Variants in CDH23 observed in about 807,000 individuals in gnomAD.
CDH23 encodes cadherin related 23, also known as cadherin-23.
In CDH23, 189 loss-of-function variants were observed where a neutral mutation model predicts 317.1. The ratio of observed to expected loss-of-function variants is 0.60; its 90% confidence interval spans 0.53 to 0.67. CDH23 has a LOEUF of 0.67. CDH23 is among the 30% of genes least tolerant of loss of function. The pLI is 0.00. For missense variants in CDH23, 4,401 were observed against 4,592.4 expected (o/e 0.96, Z 1.20); for synonymous variants, 1,839 against 1,876.8 (o/e 0.98, Z 0.52).
In CDH23 at chr10:71,705,040, C is replaced by T. The variant is rs765094120; in HGVS notation, c.2863C>T (p.Arg955Cys). ...GGTGGTCACCACCACCGAGCTGGAC[C>T]GCGAGCGCATCGCGGAGTACCAGCT... ...GVVVTTTELD[R>C]ERIAEYQLRV... Residue 955 changes from arginine (R) to cysteine (C), a missense_variant, in exon 25 of 70, where the codon CGC becomes TGC. Arg to Cys is a radical substitution (Grantham distance 180). Transcript: ENST00000224721. 1.1e-5 allele frequency: 18 copies of T among 1,612,556 alleles called. No homozygotes were observed. Among genetic ancestry groups the T allele is most frequent in the Middle Eastern group, 1.6e-4 (1 of 6,084 alleles).
In CDH23 at chr10:71,799,201, G is replaced by C. The variant is rs759439688; in HGVS notation, c.7145G>C (p.Arg2382Pro). ...VRASDNGSPP[R>P]AAEIPVYLEI... ...GCCTCAGACAACGGGTCCCCGCCCC[G>C]GGCAGCTGAGATCCCTGTCTACCTG... The change falls in exon 51 of 70, where the codon CGG becomes CCG. Residue 2382 changes from arginine (R) to proline (P), a missense_variant. Around this residue, in one of 3 missense-constraint regions of CDH23, gnomAD observed 189 missense variants for 250.9 expected, o/e 0.75. Coordinates refer to ENST00000224721, the MANE Select transcript of CDH23 (RefSeq NM_022124.6). 2 of 1,614,000 alleles carry C rather than the reference G, an allele frequency of 1.2e-6. No homozygotes were observed. The highest frequency in any genetic ancestry group is 1.7e-6 in the Non-Finnish European group (2 of 1,179,882).
chr10:71,730,960 T>G (rs1019821902), intron 31 of CDH23, among the ~76,000 whole-genome samples: 14 of 152,362 alleles, frequency 9.2e-5, no homozygotes, highest in Admixed American at 5.2e-4. Flanking sequence ...GGCTGCGGCC[T>G]GGCCTGCTCC....
intron 1 of CDH23, among the ~76,000 whole-genome samples, chr10:71,430,477 G>A (rs915300164): frequency 1.3e-5 from 2 of 152,178 alleles, no homozygotes; most frequent in Non-Finnish European, 2.9e-5. Flanking sequence ...GAGGAACAAA[G>A]ATATTTGTCG....
intron 3 of CDH23, among the ~76,000 whole-genome samples, chr10:71,459,190 T>G (rs1158792125): frequency 6.9e-6 from 1 of 145,590 alleles, no homozygotes; most frequent in Non-Finnish European, 1.5e-5. Flanking sequence ...TGGGCTCAAG[T>G]GATCCTCCCA....
chr10:71,487,682 A>G (rs532358678), intron 3 of CDH23, among the ~76,000 whole-genome samples: 20 of 152,308 alleles, frequency 1.3e-4, no homozygotes, highest in Admixed American at 3.3e-4. Context: ...CCTTATCACC[A>G]TGGTAATGAA....
rs781291264 is a variant in CDH23 at position 71,642,393 on chromosome 10, C to CTTTTT, written c.1135-1449_1135-1445dup. 1.8e-3 allele frequency among the ~76,000 whole-genome samples: 151 copies of CTTTTT among 85,416 alleles called. 4 individuals are homozygous for CTTTTT. The highest frequency in any genetic ancestry group is 2.1e-3 in the Non-Finnish European group (99 of 46,618). The allele number at this position is 85,416 out of a possible 152,430, so 56.0% of individuals were successfully genotyped here. A position where few individuals can be genotyped will look rare whatever the true frequency, so the allele number is the denominator to read the frequency against. On this transcript the variant is annotated intron_variant, in intron 11 of 69. Transcript: ENST00000224721. ...ATTGGCCCAGAAGCTGGCCCGGCCT[C>CTTTTT]TTTTTTTTTTTTTTTTTTTTTTTGA...
chr10:71,746,406 A>G (rs1839854166), intron 38 of CDH23, among the ~76,000 whole-genome samples: 1 of 152,106 alleles, frequency 6.6e-6, no homozygotes, highest in Non-Finnish European at 1.5e-5. Context: ...GGCCACCCCC[A>G]TCCGGCCTCA....
intron 35 of CDH23, 66 bp from the exon 36 acceptor site, chr10:71,739,578 C>G: frequency 1.9e-6 from 3 of 1,571,732 alleles, no homozygotes; most frequent in Non-Finnish European, 2.6e-6. Context: ...AGGGAGTCCC[C>G]CTTGGCTTGA....
intron 1 of CDH23, among the ~76,000 whole-genome samples, chr10:71,421,223 C>T (rs1474238830): frequency 2.0e-5 from 3 of 152,236 alleles, no homozygotes; most frequent in Admixed American, 6.5e-5. Context: ...CCCGGTCAGA[C>T]AGCAAGGCTG....
Position 71,793,619 on chromosome 10 carries a change from T to C in CDH23, c.6691T>C (p.Phe2231Leu), listed in dbSNP as rs1217948283. 1.3e-6 allele frequency: 2 copies of C among 1,595,762 alleles called. No homozygotes were observed. The highest frequency in any genetic ancestry group is 2.3e-5 in the South Asian group (2 of 88,370). ...DRLVPNQEDA[F>L]AVNINTGSVM... ...CCTGGTGCCCAACCAGGAGGACGCC[T>C]TTGCTGTGAATATCAACACAGGTAC... Residue 2231 changes from phenylalanine (F) to leucine (L), a missense_variant, in exon 48 of 70, where the codon TTT (phenylalanine) becomes CTT (leucine). Coordinates refer to ENST00000224721, the MANE Select transcript of CDH23 (RefSeq NM_022124.6).
intron 23 of CDH23, 103 bp from the exon 24 acceptor site, chr10:71,702,446 G>T (rs1865626706): frequency 6.9e-7 from 1 of 1,442,268 alleles, no homozygotes; most frequent in East Asian, 2.3e-5. Flanking sequence ...GGGATGGAGG[G>T]CTCTGAATCT....
At chr10:71,739,228 A>G (rs1007132243) in intron 35 of CDH23, among the ~76,000 whole-genome samples, 6 of 152,122 alleles carry the variant, frequency 3.9e-5, no homozygotes, top group African/African-American at 1.4e-4. Context: ...TGGTTGTTCC[A>G]TGTTTCTGAG....
chr10:71,730,553 G>T lies in CDH23; in HGVS notation c.3664G>T (p.Ala1222Ser). ...QYSRLGLRET[A>S]GIGTSVIVVQ... is the part of the protein sequence containing the mutation. ...CAGCCGTCTGGGGCTTCGAGAGACC[G>T]CAGGCATTGGAACGTCAGTCATCGT... is the stretch of plus-strand genomic sequence containing the variant. Residue 1222 changes from alanine to serine, a missense_variant, in exon 31 of 70, where the codon GCA becomes TCA. By Grantham distance (99) the Ala-to-Ser change is moderately conservative. This residue lies in a region of CDH23 where 3,068 missense variants were observed against 3,203.3 expected (regional missense o/e 0.96). Transcript: ENST00000224721. 1.2e-6 allele frequency: 2 copies of T among 1,613,910 alleles called. No individual in the cohort carries two copies. Among genetic ancestry groups the T allele is most frequent in the Non-Finnish European group, 1.7e-6 (2 of 1,179,870 alleles).
intron 25 of CDH23, among the ~76,000 whole-genome samples, chr10:71,706,522 G>A (rs188254662): frequency 6.6e-6 from 1 of 152,346 alleles, no homozygotes; most frequent in East Asian, 1.9e-4. Context: ...GGCTTGGCAC[G>A]CTGGACAAGC....
intron 1 of CDH23, among the ~76,000 whole-genome samples, chr10:71,430,249 C>G (rs10740380): frequency 0.31 from 46,306 of 151,054 alleles, 7,200 homozygotes; most frequent in Middle Eastern, 0.45. Context: ...CCAGCAGGGG[C>G]TGGGGATATG....
chr10:71,619,679 A>G (rs777766772), intron 11 of CDH23, among the ~76,000 whole-genome samples: 2 of 152,208 alleles, frequency 1.3e-5, no homozygotes, highest in Non-Finnish European at 2.9e-5. Flanking sequence ...GCACACAGGA[A>G]GATTGGCTGG....
At chr10:71,521,236 G>A (rs928605592) in intron 6 of CDH23, among the ~76,000 whole-genome samples, 6 of 151,874 alleles carry the variant, frequency 4.0e-5, no homozygotes, top group Non-Finnish European at 8.8e-5. Context: ...ATGGGGCACT[G>A]CCAGCCCCAG....
intron 11 of CDH23, among the ~76,000 whole-genome samples, chr10:71,630,501 G>A (rs1861955542): frequency 6.6e-6 from 1 of 152,176 alleles, no homozygotes; most frequent in Non-Finnish European, 1.5e-5. Flanking sequence ...TGCCAATATG[G>A]GGAGGGGAGG....
intron 22 of CDH23, among the ~76,000 whole-genome samples, chr10:71,701,671 T>C (rs543033684): frequency 2.6e-5 from 4 of 152,210 alleles, no homozygotes; most frequent in East Asian, 3.9e-4. Context: ...CATGGCTTCC[T>C]TCACATGCCC....
Sources: allele counts gnomAD v4.1 joint callset (sites outside exome capture counted in the v4.1 genomes callset), GRCh38; gene constraint gnomAD v4.1.1; regional missense constraint gnomAD v4.1.1; transcripts MANE v1.5; gene names NCBI Gene and HGNC (gene_info 2026-07-23, HGNC 2026-07-21).